Variants in CCSER1 observed in about 807,000 individuals in gnomAD.
The protein encoded by CCSER1 is coiled-coil serine rich protein 1, also known as serine-rich coiled-coil domain-containing protein 1.
In CCSER1, 41 loss-of-function variants were observed where a neutral mutation model predicts 82.0. The ratio of observed to expected loss-of-function variants is 0.50; its 90% CI spans 0.39 to 0.65. The LOEUF (loss-of-function observed/expected upper bound fraction) is 0.65, where lower values mean the gene tolerates loss of function less well. Ranked by LOEUF, CCSER1 falls within the 30% of genes least tolerant of loss-of-function variation. CCSER1 has a pLI of 0.00. For missense variants in CCSER1, 1,119 were observed against 1,064.2 expected (o/e 1.05, Z -0.72); for synonymous variants, 414 against 383.9 (o/e 1.08, Z -0.92).
Position 91,474,767 on chromosome 4 carries a change from G to GTA in CCSER1, c.2218-123791_2218-123790dup, listed in dbSNP as rs112175186. Among the ~76,000 whole-genome samples the GTA allele has an allele frequency of 9.2e-3, 1,245 of 135,240 alleles. 11 individuals carry two copies. Among genetic ancestry groups the GTA allele is most frequent in the Middle Eastern group, 0.02 (5 of 246 alleles). 88.7% of individuals were successfully genotyped at this position (135,240 alleles called of 152,430 possible). On this transcript the variant is annotated intron_variant, in intron 10 of 10. Coordinates refer to ENST00000509176, the MANE Select transcript of CCSER1 (RefSeq NM_001145065.2). ...TGCACACACACACACACATGTGTGT[G>GTA]TATATATATATATATTTGTGTATAT...
At chr4:91,358,135 T>G (rs1748980967) in intron 10 of CCSER1, among the ~76,000 whole-genome samples, 1 of 152,050 alleles carries the variant, frequency 6.6e-6, no homozygotes, top group Admixed American at 6.5e-5. Context: ...TCTCTGCTGG[T>G]CTTTCCTTTT....
At chr4:91,175,525 T>A (rs1319424237) in intron 10 of CCSER1, among the ~76,000 whole-genome samples, 1 of 152,188 alleles carries the variant, frequency 6.6e-6, no homozygotes, top group Non-Finnish European at 1.5e-5. Context: ...CTAACTGGTG[T>A]GAGATGGTAT....
chr4:91,517,729 T>C (rs557896421), intron 10 of CCSER1, among the ~76,000 whole-genome samples: 2 of 148,954 alleles, frequency 1.3e-5, no homozygotes, highest in Non-Finnish European at 3.0e-5. Context: ...TTACGCTGGT[T>C]CTTTCAGTTC....
chr4:91,216,532 G>T (rs1453442379), intron 10 of CCSER1, among the ~76,000 whole-genome samples: 1 of 152,086 alleles, frequency 6.6e-6, no homozygotes, highest in African/African-American at 2.4e-5. Context: ...GTGTTAGCCA[G>T]GATGGTCTCC....
chr4:90,257,903 G>A (rs1017302437), intron 1 of CCSER1, among the ~76,000 whole-genome samples: 3 of 152,162 alleles, frequency 2.0e-5, no homozygotes, highest in African/African-American at 2.4e-5. Context: ...AAGGCAATCC[G>A]ATTGATTCAG....
chr4:91,050,238 C>G (rs1742876321), intron 9 of CCSER1, among the ~76,000 whole-genome samples: 1 of 152,074 alleles, frequency 6.6e-6, no homozygotes, highest in Non-Finnish European at 1.5e-5. Flanking sequence ...CGAAGTCAGC[C>G]TGGCCAATCT....
chr4:91,014,127 A>G (rs1445548485), intron 9 of CCSER1, among the ~76,000 whole-genome samples: 1 of 131,182 alleles, frequency 7.6e-6, no homozygotes, highest in African/African-American at 2.5e-5. Flanking sequence ...AATATTCTTT[A>G]GCGGGATTTT....
chr4:91,146,988 T>A (rs1179899610), intron 10 of CCSER1, among the ~76,000 whole-genome samples: 1 of 152,200 alleles, frequency 6.6e-6, no homozygotes, highest in African/African-American at 2.4e-5. Flanking sequence ...ACTGGCACTG[T>A]GCTTATGTTT....
chr4:90,380,550 C>G (rs867153929), intron 3 of CCSER1, among the ~76,000 whole-genome samples: 5 of 152,274 alleles, frequency 3.3e-5, no homozygotes, highest in African/African-American at 1.2e-4. Flanking sequence ...TGTTGTCCCT[C>G]AGAATACATT....
chr4:90,908,750 C>T (rs1383756656), intron 8 of CCSER1, among the ~76,000 whole-genome samples: 2 of 152,080 alleles, frequency 1.3e-5, no homozygotes, highest in Non-Finnish European at 2.9e-5. Context: ...CTCATGACTA[C>T]TCTATTGGAA....
At chr4:91,245,104 G>GA (rs1165477081) in intron 10 of CCSER1, among the ~76,000 whole-genome samples, 2 of 151,786 alleles carry the variant, frequency 1.3e-5, no homozygotes, top group Non-Finnish European at 2.9e-5. Context: ...GGAGGCAAAA[G>GA]AAAAAAGAAT....
At chr4:91,532,003 G>A (rs1761055654) in intron 10 of CCSER1, among the ~76,000 whole-genome samples, 1 of 152,140 alleles carries the variant, frequency 6.6e-6, no homozygotes, top group African/African-American at 2.4e-5. Flanking sequence ...GTGAGCCACT[G>A]CTCCAGGCCT....
chr4:90,360,743 G>T (rs1055860172), intron 3 of CCSER1, among the ~76,000 whole-genome samples: 3 of 152,072 alleles, frequency 2.0e-5, no homozygotes, highest in Non-Finnish European at 4.4e-5. Flanking sequence ...ACATCCATTG[G>T]CCTAGCTGAT....
At chr4:90,700,634 A>T (rs1161510985) in intron 6 of CCSER1, among the ~76,000 whole-genome samples, 1 of 152,132 alleles carries the variant, frequency 6.6e-6, no homozygotes, top group Non-Finnish European at 1.5e-5. Flanking sequence ...ATTTCTCCAC[A>T]TCCTCTCCAG....
At chr4:90,244,919 A>G (rs1212858021) in intron 1 of CCSER1, among the ~76,000 whole-genome samples, 7 of 152,130 alleles carry the variant, frequency 4.6e-5, no homozygotes, top group African/African-American at 1.7e-4. Context: ...GAGTCACACG[A>G]CCTTGGTTTG....
In CCSER1 at chr4:90,226,036, G is replaced by A. The variant is rs559328110; in HGVS notation, c.-41-82208G>A. 5.9e-5 allele frequency among the ~76,000 whole-genome samples: 9 copies of A among 152,296 alleles called. No homozygotes were observed. In the South Asian group the frequency reaches 1.7e-3, roughly 28 times the overall value. ...CCTAGGCCATCATGCAATGTGGTTG[G>A]CTACCCTATTAGAGATGCTGCAAGG... On this transcript the variant is annotated intron_variant, in intron 1 of 10. Coordinates refer to ENST00000509176, the MANE Select transcript of CCSER1 (RefSeq NM_001145065.2).
intron 1 of CCSER1, among the ~76,000 whole-genome samples, chr4:90,193,012 C>T (rs1169482253): frequency 1.3e-5 from 2 of 152,086 alleles, no homozygotes; most frequent in Non-Finnish European, 2.9e-5. Context: ...ATTACCACCT[C>T]AGCATGCCTG....
At chr4:91,087,498 T>C (rs566587933) in intron 10 of CCSER1, among the ~76,000 whole-genome samples, 1 of 152,248 alleles carries the variant, frequency 6.6e-6, no homozygotes, top group African/African-American at 2.4e-5. Context: ...AGTGTACTTA[T>C]AAGTAAGGAA....
At chr4:91,006,644 C>T (rs913668955) in intron 9 of CCSER1, among the ~76,000 whole-genome samples, 1 of 152,062 alleles carries the variant, frequency 6.6e-6, no homozygotes, top group Non-Finnish European at 1.5e-5. Context: ...TGCCCACCAC[C>T]ATGTCCGGCT....
Sources: allele counts gnomAD v4.1 joint callset (sites outside exome capture counted in the v4.1 genomes callset), GRCh38; gene constraint gnomAD v4.1.1; transcripts MANE v1.5; gene names NCBI Gene and HGNC (gene_info 2026-07-23, HGNC 2026-07-21).